Variants in KIF5C observed in about 807,000 individuals in gnomAD.
KIF5C encodes kinesin family member 5C.
In KIF5C, 18 loss-of-function variants were observed where a neutral mutation model predicts 125.2. That is an observed-to-expected ratio of 0.14 (90% CI 0.10 to 0.21). The LOEUF (loss-of-function observed/expected upper bound fraction) is 0.21. KIF5C is among the 10% of genes least tolerant of loss of function. The pLI is 1.00. For missense variants in KIF5C, 780 were observed against 1,183.8 expected (o/e 0.66, Z 5.01); for synonymous variants, 405 against 434.0 (o/e 0.93, Z 0.83).
In KIF5C at chr2:148,875,574, G is replaced by GCCCCCCCCCCCCCCCCCCCCCC; in HGVS notation, c.-44_-43insCCCCCCCCCCCCCCCCCCCCCC. 1 of 495,096 alleles carries GCCCCCCCCCCCCCCCCCCCCCC rather than the reference G, an allele frequency of 2.0e-6. No individual in the cohort carries two copies. The allele number at this position is 495,096 out of a possible 1,614,324, so 30.7% of individuals were successfully genotyped here. On this transcript the variant is annotated 5_prime_UTR_variant, in exon 1 of 26. Transcript: ENST00000435030. Reference sequence around the variant, plus strand: ...CTCCTCCCTCGTCGTTCCCGGCCCCGGCCCCCCACCCATCCCCGTGCCCCC... The same window carrying GCCCCCCCCCCCCCCCCCCCCCC: ...CTCCTCCCTCGTCGTTCCCGGCCCCGCCCCCCCCCCCCCCCCCCCCCCGCCCCCCACCCATCCCCGTGCCCCC...
At chr2:148,881,351 T>A (rs1409552313) in intron 1 of KIF5C, among the ~76,000 whole-genome samples, 3 of 152,210 alleles carry the variant, frequency 2.0e-5, no homozygotes, top group Non-Finnish European at 4.4e-5. Flanking sequence ...TAGACTACGT[T>A]AGCTGTTCCT....
rs149361177 is a variant in KIF5C at position 148,910,964 on chromosome 2, G to A, written c.127-11173G>A. 3.4e-3 allele frequency among the ~76,000 whole-genome samples: 512 copies of A among 152,290 alleles called. 6 individuals are homozygous for A. The highest frequency in any genetic ancestry group is 0.012 in the African/African-American group (488 of 41,570). ...TCTGAGCTTTTTATCCTGGATGACTGGGGATAGTGAAAGGAAGAGGTGGAG... is the reference window on the plus strand; with the variant it reads ...TCTGAGCTTTTTATCCTGGATGACTAGGGATAGTGAAAGGAAGAGGTGGAG... On this transcript the variant is annotated intron_variant, in intron 1 of 25. Coordinates refer to ENST00000435030, the MANE Select transcript of KIF5C (RefSeq NM_004522.3).
At chr2:148,997,688 C>A in intron 18 of KIF5C, 1 of 257,348 alleles carries the variant, frequency 3.9e-6, no homozygotes. Context: ...CAGAACACAC[C>A]AAATTTGAGT....
At chr2:148,893,056 A>G (rs188796671) in intron 1 of KIF5C, among the ~76,000 whole-genome samples, 23 of 152,304 alleles carry the variant, frequency 1.5e-4, no homozygotes, top group African/African-American at 5.1e-4. Flanking sequence ...CTCGTTCTTA[A>G]TCTTAGAACA....
At chr2:148,896,860 T>C (rs570184996) in intron 1 of KIF5C, among the ~76,000 whole-genome samples, 1 of 152,270 alleles carries the variant, frequency 6.6e-6, no homozygotes, top group Non-Finnish European at 1.5e-5. Flanking sequence ...TGATGGAGTC[T>C]CACTCTGTCA....
intron 4 of KIF5C, among the ~76,000 whole-genome samples, chr2:148,939,177 G>C (rs983791022): frequency 6.6e-6 from 1 of 151,342 alleles, no homozygotes; most frequent in African/African-American, 2.4e-5. Flanking sequence ...ATAGACCCTA[G>C]GTCTGACCAA....
rs935676942 is a variant in KIF5C, at chr2:149,025,089, C to T, written c.*2019C>T. The stretch of plus-strand genomic sequence containing the variant: ...ATCATAAAATAGATTGTTTTAGATT[C>T]TTTCCAGGGTGATTTTTCCCTGGGT... On this transcript the variant is annotated 3_prime_UTR_variant, in exon 26 of 26. Coordinates refer to ENST00000435030, the MANE Select transcript of KIF5C (RefSeq NM_004522.3). 3.3e-5 allele frequency: 5 copies of T among 152,538 alleles called. No individual in the cohort carries two copies. Among genetic ancestry groups the T allele is most frequent in the African/African-American group, 1.2e-4 (5 of 41,440 alleles). 9.4% of individuals were successfully genotyped at this position (152,538 alleles called of 1,614,324 possible).
At position 148,941,769 on chromosome 2, in the gene KIF5C, C is replaced by T. The variant is rs1682412728; in HGVS notation, c.445+111C>T. On this transcript the variant is annotated intron_variant, in intron 5 of 25. Coordinates refer to ENST00000435030, the MANE Select transcript of KIF5C (RefSeq NM_004522.3). ...GAATTAATGAAAATTTATAGAGATA[C>T]TCTGTTGCCTTCAGGGTATATGTTT... is the stretch of plus-strand genomic sequence containing the variant. The T allele has an allele frequency of 9.5e-6, 14 of 1,469,480 alleles. No homozygotes were observed. In the South Asian group the frequency reaches 1.5e-4, roughly 15 times the overall value. 91.0% of individuals were successfully genotyped at this position (1,469,480 alleles called of 1,614,324 possible).
intron 1 of KIF5C, among the ~76,000 whole-genome samples, chr2:148,914,276 G>A (rs1177695964): frequency 6.6e-6 from 1 of 152,218 alleles, no homozygotes; most frequent in Admixed American, 6.5e-5. Context: ...AGAGAAAGGA[G>A]TTCACTGTAT....
chr2:148,920,713 G>A (rs1052686106), intron 1 of KIF5C, among the ~76,000 whole-genome samples: 1 of 152,212 alleles, frequency 6.6e-6, no homozygotes. Context: ...TAATAAATAA[G>A]TAGAACATTA....
At chr2:149,004,136 A>G (rs931733289) in intron 21 of KIF5C, among the ~76,000 whole-genome samples, 1 of 152,256 alleles carries the variant, frequency 6.6e-6, no homozygotes, top group African/African-American at 2.4e-5. Context: ...TGCAGAAAGT[A>G]ATTTACCTCA....
chr2:149,015,716 C>G (rs1459498742), intron 25 of KIF5C, among the ~76,000 whole-genome samples: 1 of 152,206 alleles, frequency 6.6e-6, no homozygotes, highest in Admixed American at 6.5e-5. Context: ...TTTTCAAACC[C>G]CAGAGCTACA....
intron 15 of KIF5C, among the ~76,000 whole-genome samples, chr2:148,987,233 A>G (rs1681402813): frequency 6.6e-6 from 1 of 152,224 alleles, no homozygotes; most frequent in African/African-American, 2.4e-5. Context: ...GTGCATGTGT[A>G]GTAGGAAAAC....
At chr2:148,897,359 G>T (rs1249716816) in intron 1 of KIF5C, among the ~76,000 whole-genome samples, 1 of 151,940 alleles carries the variant, frequency 6.6e-6, no homozygotes, top group Admixed American at 6.5e-5. Context: ...GAACTTTTGG[G>T]AGTTATTATA....
chr2:148,971,957 A>G (rs1020349527), intron 11 of KIF5C, among the ~76,000 whole-genome samples: 9 of 152,138 alleles, frequency 5.9e-5, no homozygotes, highest in Admixed American at 5.9e-4. Flanking sequence ...TTATTGAGAC[A>G]AAGTCTTGCT....
chr2:148,894,703 A>ATAT (rs1558875720), intron 1 of KIF5C, among the ~76,000 whole-genome samples: 1 of 147,436 alleles, frequency 6.8e-6, no homozygotes, highest in African/African-American at 2.5e-5. Context: ...AGTTTAGTAC[A>ATAT]ATATATATAT....
chr2:148,909,154 G>A (rs185138548), intron 1 of KIF5C, among the ~76,000 whole-genome samples: 44 of 152,324 alleles, frequency 2.9e-4, no homozygotes, highest in African/African-American at 1.1e-3. Context: ...TTGCAGCACT[G>A]GGCTCTGCCT....
intron 1 of KIF5C, among the ~76,000 whole-genome samples, chr2:148,900,292 A>G (rs899932918): frequency 6.6e-6 from 1 of 152,264 alleles, no homozygotes; most frequent in Middle Eastern, 3.4e-3. Context: ...CTCTTTTCCA[A>G]TAACCCACAT....
chr2:148,953,545 T>G (rs993040191), intron 10 of KIF5C, among the ~76,000 whole-genome samples: 1 of 152,212 alleles, frequency 6.6e-6, no homozygotes, highest in Non-Finnish European at 1.5e-5. Flanking sequence ...GCTAATGAGA[T>G]TAAGCACTTT....
Sources: gnomAD v4.1 joint callset for allele counts (sites outside exome capture counted in the v4.1 genomes callset) on GRCh38, gnomAD v4.1.1 for gene constraint, MANE v1.5 for transcripts, NCBI Gene and HGNC (gene_info 2026-07-23, HGNC 2026-07-21) for gene names.